Variants in AGBL2 observed in about 807,000 individuals in gnomAD.
AGBL2 encodes the protein AGBL carboxypeptidase 2, also known as cytosolic carboxypeptidase 2.
AGBL2 carries 87 observed loss-of-function variants against 103.0 expected under a neutral mutation model. The observed-to-expected ratio is 0.84, with a 90% CI of 0.71 to 1.01. The LOEUF (loss-of-function observed/expected upper bound fraction) is 1.01. AGBL2 is among the 50% of genes least tolerant of loss of function. The pLI is 0.00. For synonymous variants in AGBL2, 335 were observed against 356.7 expected, an observed-to-expected ratio of 0.94 and a Z score of 0.69; for missense variants, 904 against 1,023.5, an observed-to-expected ratio of 0.88 and a Z score of 1.59.
At chr11:47,685,416 A>T (rs1307912780) in intron 11 of AGBL2, among the ~76,000 whole-genome samples, 1 of 151,634 alleles carries the variant, frequency 6.6e-6, no homozygotes, top group Admixed American at 6.6e-5. Context: ...AGCTGGCAGG[A>T]CACAGCAATT....
At chr11:47,660,468 T>C in intron 18 of AGBL2, 122 bp from the exon 19 acceptor site, 1 of 865,590 alleles carries the variant, frequency 1.2e-6, no homozygotes, top group Non-Finnish European at 1.8e-6. Flanking sequence ...CTTCCCCAAA[T>C]ATAAAAGTAG....
chr11:47,687,807 C>CTTTTTTTTT (rs369461728), intron 10 of AGBL2, among the ~76,000 whole-genome samples: 6 of 138,532 alleles, frequency 4.3e-5, no homozygotes, highest in South Asian at 2.3e-4. Context: ...TTCTTTCTTT[C>CTTTTTTTTT]TTTTTTTTTT....
At chr11:47,708,651 T>C (rs2097528297) in intron 4 of AGBL2, among the ~76,000 whole-genome samples, 1 of 150,360 alleles carries the variant, frequency 6.7e-6, no homozygotes, top group South Asian at 2.1e-4. Flanking sequence ...CCGTCTCTAC[T>C]AAAAATACAA....
At chr11:47,693,150 G>T (rs928785447) in intron 8 of AGBL2, among the ~76,000 whole-genome samples, 1 of 150,450 alleles carries the variant, frequency 6.6e-6, no homozygotes, top group Non-Finnish European at 1.5e-5. Flanking sequence ...TTCCCTCCCT[G>T]CCTCCCTCCC....
At chr11:47,679,884 C>T in intron 13 of AGBL2, 89 bp downstream of exon 13, 1 of 792,408 alleles carries the variant, frequency 1.3e-6, no homozygotes, top group South Asian at 1.5e-5. Context: ...TCAGGCAATC[C>T]ACCCACTTCA....
Position 47,690,529 on chromosome 11 carries a change from G to T in AGBL2, c.1178C>A (p.Ala393Glu), listed in dbSNP as rs1355096190. The T allele has an allele frequency of 1.2e-6, 2 of 1,614,190 alleles. No individual in the cohort carries two copies. The highest frequency in any genetic ancestry group is 1.7e-6 in the Non-Finnish European group (2 of 1,180,052). ...FPYDQDTCFF[A>E]HFYPYTYTDL... ...AGTGTATGTATATGGGTAGAAGTGT[G>T]CAAAGAAGCAAGTGTCCTGGTCATA... The change falls in exon 10 of 19, where the codon GCA becomes GAA. Residue 393 changes from alanine to glutamate, a missense_variant. Physicochemically the swap from Ala to Glu is moderately radical, Grantham distance 107. Transcript: ENST00000525123.
chr11:47,691,729 A>AAAAAAAAAAAAAAATATATATACATAT lies in AGBL2; in HGVS notation c.848+373_848+374insATATGTATATATATTTTTTTTTTTTTT. Among the ~76,000 whole-genome samples the AAAAAAAAAAAAAAATATATATACATAT allele has an allele frequency of 1.0e-3, 5 of 4,850 alleles. 2 individuals carry two copies. The highest frequency in any genetic ancestry group is 1.1e-3 in the Non-Finnish European group (3 of 2,742). 3.2% of individuals were successfully genotyped at this position (4,850 alleles called of 152,430 possible). A position where few individuals can be genotyped will look rare whatever the true frequency, so the allele number is the denominator to read the frequency against. ...TCTCAAGAAAAAAAAAAAAAAAAAA[A>AAAAAAAAAAAAAAATATATATACATAT]ATATATATATATATATATATATATA... On this transcript the variant is annotated intron_variant, in intron 9 of 18. Transcript: ENST00000525123.
At chr11:47,701,626 G>A (rs1237193381) in intron 7 of AGBL2, among the ~76,000 whole-genome samples, 3 of 151,990 alleles carry the variant, frequency 2.0e-5, no homozygotes, top group Non-Finnish European at 2.9e-5. Context: ...GAGTTTGGGA[G>A]TAGCCTGGGC....
intron 8 of AGBL2, among the ~76,000 whole-genome samples, chr11:47,692,552 C>T (rs1599019505): frequency 6.6e-6 from 1 of 151,240 alleles, no homozygotes; most frequent in Admixed American, 6.6e-5. Context: ...GCTGGGACTA[C>T]AGGCGCCCAC....
At chr11:47,712,201 T>C (rs2097538118) in intron 3 of AGBL2, among the ~76,000 whole-genome samples, 1 of 152,184 alleles carries the variant, frequency 6.6e-6, no homozygotes, top group Admixed American at 6.6e-5. Flanking sequence ...AGAAGTCTGT[T>C]CTGAATGACA....
At chr11:47,701,030 TG>T (rs2097496814) in intron 7 of AGBL2, among the ~76,000 whole-genome samples, 1 of 151,136 alleles carries the variant, frequency 6.6e-6, no homozygotes, top group Non-Finnish European at 1.5e-5. Flanking sequence ...CACTCCAGCC[TG>T]GGCGACAGAG....
chr11:47,679,946 T>C (rs2153803566), intron 13 of AGBL2, 27 bp downstream of exon 13: 1 of 1,451,976 alleles, frequency 6.9e-7, no homozygotes, highest in Non-Finnish European at 9.7e-7. Flanking sequence ...CTGGCCTTCA[T>C]CACATTTCTT....
chr11:47,689,234 T>G (rs1389558476), intron 10 of AGBL2, among the ~76,000 whole-genome samples: 1 of 152,048 alleles, frequency 6.6e-6, no homozygotes, highest in Non-Finnish European at 1.5e-5. Context: ...AGCCTGTATT[T>G]AAATATCTAC....
At chr11:47,714,876 C>CAA in intron 1 of AGBL2, 126 bp from the exon 2 acceptor site, 4 of 567,570 alleles carry the variant, frequency 7.0e-6, no homozygotes, top group South Asian at 4.0e-5. Flanking sequence ...GTGGTCACGC[C>CAA]GAGGCCAGAG....
Position 47,705,652 on chromosome 11 carries a change from A to AAG in AGBL2, c.287-19_287-18insCT, listed in dbSNP as rs2097515662. 1.7e-6 allele frequency: 1 copy of AAG among 587,022 alleles called. No homozygotes were observed. The highest frequency in any genetic ancestry group is 2.1e-5 in the South Asian group (1 of 47,414). 36.4% of individuals were successfully genotyped at this position (587,022 alleles called of 1,614,324 possible). Reference sequence around the variant, plus strand: ...GTGAAAGTCTGTGTCAAAAAAAAAAAAAAAAGAAAAAGAAAAAGAAGAAAG... The same window carrying AAG: ...GTGAAAGTCTGTGTCAAAAAAAAAAAAGAAAAAGAAAAAGAAAAAGAAGAAAG... On this transcript the variant is annotated intron_variant, in intron 5 of 18. Transcript: ENST00000525123.
intron 18 of AGBL2, 97 bp from the exon 19 acceptor site, chr11:47,660,443 G>A: frequency 9.1e-7 from 1 of 1,098,728 alleles, no homozygotes; most frequent in Non-Finnish European, 1.3e-6. Context: ...GAGCTGGTGA[G>A]AAATATTTGC....
In AGBL2 at chr11:47,698,889, C is replaced by T. The variant is rs550155908; in HGVS notation, c.694+557G>A. ...TTTACATGTATAAAAACTTCCATTACGGCCTAACATATGGTTTATCCTGGG... is the reference window on the plus strand; with the variant it reads ...TTTACATGTATAAAAACTTCCATTATGGCCTAACATATGGTTTATCCTGGG... On this transcript the variant is annotated intron_variant, in intron 8 of 18. Coordinates refer to ENST00000525123, the MANE Select transcript of AGBL2 (RefSeq NM_024783.4). Among the ~76,000 whole-genome samples, 28 of 149,600 alleles carry T rather than the reference C, an allele frequency of 1.9e-4. No homozygotes were observed. The South Asian group carries it at 2.5e-3, about 14-fold the overall frequency.
intron 10 of AGBL2, among the ~76,000 whole-genome samples, chr11:47,688,616 A>G (rs1188058331): frequency 6.6e-6 from 1 of 152,150 alleles, no homozygotes; most frequent in Non-Finnish European, 1.5e-5. Context: ...GATTATCTCA[A>G]TCCTCACAGT....
chr11:47,681,356 A>AAATT (rs1328116321), intron 12 of AGBL2, among the ~76,000 whole-genome samples: 1 of 151,902 alleles, frequency 6.6e-6, no homozygotes, highest in Non-Finnish European at 1.5e-5. Flanking sequence ...AAAATTAAAA[A>AAATT]AAGAAAGAAA....
Sources: gnomAD v4.1 joint callset for allele counts (sites outside exome capture counted in the v4.1 genomes callset) on GRCh38, gnomAD v4.1.1 for gene constraint, MANE v1.5 for transcripts, NCBI Gene and HGNC (gene_info 2026-07-23, HGNC 2026-07-21) for gene names.